ELF4: variants seen among roughly 807,000 people sequenced by gnomAD.
ELF4 encodes the protein ETS-related transcription factor Elf-4.
ELF4 carries 10 observed loss-of-function variants against 31.7 expected under a neutral mutation model. The ratio of observed to expected loss-of-function variants is 0.32; its 90% confidence interval spans 0.19 to 0.54. The LOEUF (loss-of-function observed/expected upper bound fraction) is 0.54, where lower values mean the gene tolerates loss of function less well. ELF4 is among the 20% of genes least tolerant of loss of function. The pLI is 0.95. For missense variants in ELF4, 418 were observed against 522.0 expected (o/e 0.80, Z 1.94); for synonymous variants, 208 against 226.7 (o/e 0.92, Z 0.74).
At chrX:130,075,626 T>C (rs188403487) in intron 2 of ELF4, among the ~76,000 whole-genome samples, 263 of 111,657 alleles carry the variant, frequency 2.4e-3, no homozygotes, top group African/African-American at 8.2e-3. Context: ...GTGGCCAGGT[T>C]AGGGCTCAGT....
intron 1 of ELF4, among the ~76,000 whole-genome samples, chrX:130,092,071 T>C (rs1933068314): frequency 9.0e-6 from 1 of 111,684 alleles, no homozygotes; most frequent in Non-Finnish European, 1.9e-5. Flanking sequence ...AAAATGAAGA[T>C]GGCCTCCTCT....
chrX:130,098,069 C>T (rs1363462484), intron 1 of ELF4, among the ~76,000 whole-genome samples: 1 of 112,273 alleles, frequency 8.9e-6, no homozygotes, highest in Admixed American at 9.3e-5. Flanking sequence ...GCCCTACCTG[C>T]TCTTTCGTCA....
chrX:130,066,895 A>G lies in ELF4; in HGVS notation c.1818T>C (p.Thr606=). The part of the protein sequence containing the change: ...NQTLSPPSRP[T]VGLTPVAELE... ...GTTCAGCCACTGGGGTCAGCCCAAC[A>G]GTGGGGCGGCTGGGAGGAGACAAAG... The change falls in exon 9 of 9, where the codon ACT becomes ACC. Residue 606 remains threonine (T), a synonymous_variant. Coordinates refer to ENST00000308167, the MANE Select transcript of ELF4 (RefSeq NM_001421.4). The G allele has an allele frequency of 1.7e-6, 2 of 1,211,980 alleles. No individual in the cohort carries two copies. The highest frequency in any genetic ancestry group is 2.2e-6 in the Non-Finnish European group (2 of 895,547).
intron 1 of ELF4, among the ~76,000 whole-genome samples, chrX:130,097,247 G>A (rs912933602): frequency 1.6e-4 from 17 of 109,177 alleles, no homozygotes; most frequent in Admixed American, 1.4e-3. Flanking sequence ...AGACCAGCCT[G>A]ACCAACATGG....
At chrX:130,068,248 G>C (rs920177604) in intron 8 of ELF4, among the ~76,000 whole-genome samples, 1 of 112,594 alleles carries the variant, frequency 8.9e-6, no homozygotes, top group Non-Finnish European at 1.9e-5. Flanking sequence ...ACAGCTTGAG[G>C]AAAGTGAGGC....
chrX:130,072,570 T>C (rs1218991048), intron 4 of ELF4, among the ~76,000 whole-genome samples, 153 bp from the exon 5 acceptor site: 1 of 112,466 alleles, frequency 8.9e-6, no homozygotes, highest in Non-Finnish European at 1.9e-5. Context: ...CTCATGTGGC[T>C]TGTACCACGA....
chrX:130,082,644 G>A (rs1412142530), intron 1 of ELF4, among the ~76,000 whole-genome samples: 1 of 111,546 alleles, frequency 9.0e-6, no homozygotes, highest in African/African-American at 3.3e-5. Flanking sequence ...ACTCCTCAGG[G>A]CTGTCAGTGC....
intron 2 of ELF4, among the ~76,000 whole-genome samples, chrX:130,075,257 C>T (rs1345505895): frequency 1.9e-5 from 2 of 107,206 alleles, no homozygotes; most frequent in Non-Finnish European, 3.8e-5. Context: ...GCGTGAGCCA[C>T]CATGCCCAGC....
At chrX:130,086,663 C>A (rs1166916453) in intron 1 of ELF4, among the ~76,000 whole-genome samples, 1 of 112,042 alleles carries the variant, frequency 8.9e-6, no homozygotes, top group Non-Finnish European at 1.9e-5. Flanking sequence ...TGTGAGTAAT[C>A]CAGGCTTAGC....
chrX:130,104,430 G>A (rs774945524), intron 1 of ELF4, among the ~76,000 whole-genome samples: 4 of 111,086 alleles, frequency 3.6e-5, no homozygotes, highest in South Asian at 3.8e-4. Context: ...TGCCCTGCCC[G>A]CATTGCCGAA....
rs1251766571 is a variant in ELF4 at position 130,064,010 on chromosome X, TATA to T, written c.*2708_*2710del. Among the ~76,000 whole-genome samples, 2 of 98,391 alleles carry T rather than the reference TATA, an allele frequency of 2.0e-5. No individual in the cohort carries two copies. Among genetic ancestry groups the T allele is most frequent in the Non-Finnish European group, 4.0e-5 (2 of 49,664 alleles). The allele number at this position is 98,391 out of a possible 115,157, so 85.4% of individuals were successfully genotyped here. ...TTATTATTATTATTATTATTATTAT[TATA>T]CTTTAAGTTCTGGGATACATGTGCA... On this transcript the variant is annotated 3_prime_UTR_variant, in exon 9 of 9. Transcript: ENST00000308167.
In ELF4 at chrX:130,093,262, G is replaced by A. The variant is rs1057222203; in HGVS notation, c.-209-11723C>T. Among the ~76,000 whole-genome samples, 10 of 104,904 alleles carry A rather than the reference G, an allele frequency of 9.5e-5. No homozygotes were observed. In the East Asian group the frequency reaches 1.8e-3, roughly 19 times the overall value. The allele number at this position is 104,904 out of a possible 115,157, so 91.1% of individuals were successfully genotyped here. ...GGAGGTTGCAGTGAGCCAAGATCGC[G>A]CCATTGCACTCCAGCCTGGGTGACA... On this transcript the variant is annotated intron_variant, in intron 1 of 8. Coordinates refer to ENST00000308167, the MANE Select transcript of ELF4 (RefSeq NM_001421.4).
rs1932688645 is a variant in ELF4, at chrX:130,067,003, C to T, written c.1710G>A (p.Leu570=). Residue 570 remains leucine, a synonymous_variant, in exon 9 of 9, where the codon CTG becomes CTA. Transcript: ENST00000308167. ...LVPEETLREL[L]RDQAHLQPLP... is the part of the protein sequence containing the mutation. ...GTGGCTGAAGATGAGCCTGATCTCT[C>T]AGGAGCTCCCTCAGGGTCTCTTCAG... 1.7e-6 allele frequency: 2 copies of T among 1,210,917 alleles called. No individual in the cohort carries two copies. The highest frequency in any genetic ancestry group is 1.7e-5 in the African/African-American group (1 of 57,435).
rs1219839664 is a variant in ELF4 at position 130,065,725 on chromosome X, T to C, written c.*996A>G. On this transcript the variant is annotated 3_prime_UTR_variant, in exon 9 of 9. Transcript: ENST00000308167. The stretch of plus-strand genomic sequence containing the variant: ...TAGGCTGGGGTGTCAGCAAAGGCTA[T>C]TGTCTGGCGGGGGGCCGGTATCACA... The C allele has an allele frequency of 5.7e-6, 1 of 174,355 alleles. No homozygotes were observed. Among genetic ancestry groups the C allele is most frequent in the Non-Finnish European group, 1.1e-5 (1 of 91,433 alleles). 14.4% of individuals were successfully genotyped at this position (174,355 alleles called of 1,213,427 possible). A position where few individuals can be genotyped will look rare whatever the true frequency, so the allele number is the denominator to read the frequency against.
At chrX:130,083,193 G>C (rs1932910122) in intron 1 of ELF4, among the ~76,000 whole-genome samples, 1 of 105,950 alleles carries the variant, frequency 9.4e-6, no homozygotes, top group Non-Finnish European at 1.9e-5. Flanking sequence ...CCCTTTGGAC[G>C]AGTGAGAGGC....
chrX:130,087,633 A>T (rs1932981671), intron 1 of ELF4, among the ~76,000 whole-genome samples: 1 of 110,052 alleles, frequency 9.1e-6, no homozygotes, highest in Admixed American at 9.7e-5. Context: ...ACGCCCGGCT[A>T]TTTTTTTTAT....
At chrX:130,073,668 C>A (rs1230056466) in intron 4 of ELF4, among the ~76,000 whole-genome samples, 1 of 112,136 alleles carries the variant, frequency 8.9e-6, no homozygotes, top group Non-Finnish European at 1.9e-5. Context: ...TGCGCCACCA[C>A]GCCCAGCAAG....
chrX:130,074,066 A>C lies in ELF4; in HGVS notation c.323T>G (p.Leu108Arg). The stretch of plus-strand genomic sequence containing the variant: ...AAACTTACAGATCTGCTTCTCATCC[A>C]GGATATCGCTGGGAGACTCCATATT... ...LLNMESPSDI[L>R]DEKQIFSTSE... is the part of the protein sequence containing the mutation. The change falls in exon 4 of 9, where the codon CTG becomes CGG. Residue 108 changes from leucine to arginine, a missense_variant. Leu to Arg is a moderately radical substitution (Grantham distance 102). Around this residue, in one of 4 missense-constraint regions of ELF4, gnomAD observed 88 missense variants for 92.4 expected, o/e 0.95. Transcript: ENST00000308167. 1 of 1,211,614 alleles carries C rather than the reference A, an allele frequency of 8.3e-7. No individual in the cohort carries two copies. Among genetic ancestry groups the C allele is most frequent in the South Asian group, 1.8e-5 (1 of 56,990 alleles).
At chrX:130,070,447 C>T (rs1423627347) in intron 7 of ELF4, among the ~76,000 whole-genome samples, 3 of 110,118 alleles carry the variant, frequency 2.7e-5, no homozygotes, top group Non-Finnish European at 3.8e-5. Context: ...TGGTGGCGGG[C>T]GCCTGTAGTC....
Sources: allele counts gnomAD v4.1 joint callset (sites outside exome capture counted in the v4.1 genomes callset), GRCh38; gene constraint gnomAD v4.1.1; regional missense constraint gnomAD v4.1.1; transcripts MANE v1.5; gene names NCBI Gene and HGNC (gene_info 2026-07-23, HGNC 2026-07-21).